Variants in TLE4 observed in about 807,000 individuals in gnomAD.
The protein encoded by TLE4 is TLE family member 4, transcriptional corepressor.
A neutral mutation model predicts 92.8 loss-of-function variants in TLE4; 8 were observed. The ratio of observed to expected loss-of-function variants is 0.09; its 90% CI spans 0.05 to 0.16. TLE4 has a LOEUF of 0.16. TLE4 is among the 10% of genes least tolerant of loss of function. The pLI, the probability that TLE4 is intolerant of heterozygous loss-of-function variation, is 1.00. For synonymous variants in TLE4, 371 were observed against 374.1 expected, an observed-to-expected ratio of 0.99 and a Z score of 0.10; for missense variants, 675 against 997.6, an observed-to-expected ratio of 0.68 and a Z score of 4.36.
rs536556351 is a variant in TLE4, at chr9:79,652,256, G to A, written c.391-337G>A. ...GGCTGGAGTGCAGTGGCACGAACTCGGCTCACTGCAAGCTCCACCTCCCGG... is the reference window on the plus strand; with the variant it reads ...GGCTGGAGTGCAGTGGCACGAACTCAGCTCACTGCAAGCTCCACCTCCCGG... On this transcript the variant is annotated intron_variant, in intron 6 of 19. Coordinates refer to ENST00000376552, the MANE Select transcript of TLE4 (RefSeq NM_007005.6). Among the ~76,000 whole-genome samples the A allele has an allele frequency of 1.0e-3, 158 of 151,716 alleles. 1 individual carries two copies. Among genetic ancestry groups the A allele is most frequent in the Admixed American group, 2.7e-3 (41 of 15,220 alleles).
chr9:79,659,182 A>G (rs2060180380), intron 8 of TLE4, among the ~76,000 whole-genome samples: 1 of 152,252 alleles, frequency 6.6e-6, no homozygotes, highest in African/African-American at 2.4e-5. Context: ...CCCTCAAAGG[A>G]AAGCTCTTTG....
chr9:79,724,166 A>G (rs1327620305), intron 19 of TLE4, among the ~76,000 whole-genome samples: 3 of 147,182 alleles, frequency 2.0e-5, no homozygotes, highest in Non-Finnish European at 4.5e-5. Context: ...ATATTTTTAC[A>G]TTCTTTTTTT....
At chr9:79,696,623 G>A (rs2068327858) in intron 8 of TLE4, among the ~76,000 whole-genome samples, 1 of 151,690 alleles carries the variant, frequency 6.6e-6, no homozygotes, top group African/African-American at 2.4e-5. Context: ...AAAAAGTTTA[G>A]CCTTTCAAAT....
chr9:79,609,619 T>C (rs1401727575), intron 4 of TLE4, among the ~76,000 whole-genome samples: 1 of 152,128 alleles, frequency 6.6e-6, no homozygotes, highest in Non-Finnish European at 1.5e-5. Flanking sequence ...TATGATCTTT[T>C]TGTTACATTT....
At position 79,722,621 on chromosome 9, in the gene TLE4, C is replaced by G; in HGVS notation, c.2137+20C>G. ...ATTGTGGTAAGCAAGCACCTTTTGT[C>G]CATTTTCTGTCAACCAGAATTGCTC... On this transcript the variant is annotated intron_variant, in intron 18 of 19. Coordinates refer to ENST00000376552, the MANE Select transcript of TLE4 (RefSeq NM_007005.6). The G allele has an allele frequency of 6.2e-7, 1 of 1,610,858 alleles. No individual in the cohort carries two copies. Among genetic ancestry groups the G allele is most frequent in the Non-Finnish European group, 8.5e-7 (1 of 1,178,574 alleles).
intron 8 of TLE4, among the ~76,000 whole-genome samples, chr9:79,687,571 A>G (rs2066152540): frequency 6.6e-6 from 1 of 152,224 alleles, no homozygotes; most frequent in Admixed American, 6.5e-5. Context: ...TACATCAAAT[A>G]TATTTGAATC....
chr9:79,604,391 A>T (rs998320509), intron 4 of TLE4, among the ~76,000 whole-genome samples: 3 of 152,314 alleles, frequency 2.0e-5, no homozygotes, highest in African/African-American at 7.2e-5. Context: ...GTGGTATCTC[A>T]GTAAACAGGA....
chr9:79,719,222 C>A (rs1341078094), intron 15 of TLE4, among the ~76,000 whole-genome samples: 1 of 152,032 alleles, frequency 6.6e-6, no homozygotes, highest in East Asian at 1.9e-4. Context: ...AAAGGCAAAC[C>A]GCTTGTTTTC....
chr9:79,642,381 G>C (rs1309898701), intron 6 of TLE4, among the ~76,000 whole-genome samples: 60 of 151,750 alleles, frequency 4.0e-4, no homozygotes, highest in Non-Finnish European at 1.6e-4. Flanking sequence ...TCAGCCTCCC[G>C]AGTAGCTGGG....
chr9:79,667,094 G>T (rs745674612), intron 8 of TLE4, among the ~76,000 whole-genome samples: 1 of 152,130 alleles, frequency 6.6e-6, no homozygotes, highest in African/African-American at 2.4e-5. Flanking sequence ...CTACAGCTGC[G>T]CCCAGATCTA....
intron 8 of TLE4, among the ~76,000 whole-genome samples, chr9:79,690,023 G>A (rs890033694): frequency 3.3e-5 from 5 of 152,036 alleles, no homozygotes; most frequent in African/African-American, 4.8e-5. Flanking sequence ...ACCACTGCCC[G>A]GTCCTTTGAA....
chr9:79,636,751 C>T (rs2055951021), intron 6 of TLE4, among the ~76,000 whole-genome samples: 1 of 152,158 alleles, frequency 6.6e-6, no homozygotes, highest in South Asian at 2.1e-4. Flanking sequence ...GCATCACTTT[C>T]CCTTGACTAG....
Position 79,721,941 on chromosome 9 carries a change from C to A in TLE4, c.1986+53C>A, listed in dbSNP as rs376797632. On this transcript the variant is annotated intron_variant, in intron 17 of 19. Coordinates refer to ENST00000376552, the MANE Select transcript of TLE4 (RefSeq NM_007005.6). ...AGATACGGTTTTAGGCTGAGGTGGG[C>A]GGATCACCAGGTCAGGGAATCGAGA... is the stretch of plus-strand genomic sequence containing the variant. 10 of 1,571,130 alleles carry A rather than the reference C, an allele frequency of 6.4e-6. No individual in the cohort carries two copies. In the South Asian group the frequency reaches 8.2e-5, roughly 13 times the overall value.
At chr9:79,617,458 A>G (rs2049911102) in intron 5 of TLE4, among the ~76,000 whole-genome samples, 1 of 152,222 alleles carries the variant, frequency 6.6e-6, no homozygotes, top group African/African-American at 2.4e-5. Flanking sequence ...CAAACTCTTG[A>G]AAAGCAGTAG....
chr9:79,663,301 C>T (rs2060846959), intron 8 of TLE4: 2 of 152,214 alleles, frequency 1.3e-5, no homozygotes, highest in South Asian at 4.1e-4. Flanking sequence ...TGAGGCTGCC[C>T]TGTCCAATAT....
chr9:79,656,614 GT>G (rs1395746659), intron 8 of TLE4, among the ~76,000 whole-genome samples: 1 of 152,148 alleles, frequency 6.6e-6, no homozygotes, highest in Non-Finnish European at 1.5e-5. Context: ...GTAGTAATTA[GT>G]GTTGCATGTA....
chr9:79,670,057 A>G (rs2062021505), intron 8 of TLE4, among the ~76,000 whole-genome samples: 1 of 152,190 alleles, frequency 6.6e-6, no homozygotes, highest in Non-Finnish European at 1.5e-5. Flanking sequence ...AAATGCATCT[A>G]TGTGATTAAG....
intron 8 of TLE4, among the ~76,000 whole-genome samples, chr9:79,694,984 A>T (rs1490647638): frequency 6.6e-6 from 1 of 152,286 alleles, no homozygotes; most frequent in East Asian, 1.9e-4. Flanking sequence ...CTTAAGTAAG[A>T]TTTGTTTCCC....
chr9:79,626,500 T>G (rs78359729), intron 5 of TLE4, among the ~76,000 whole-genome samples: 3,620 of 152,286 alleles, frequency 0.024, 147 homozygotes, highest in African/African-American at 0.081. Context: ...CTGTAGATAC[T>G]AGAGTGGTCA....
Sources: allele counts gnomAD v4.1 joint callset (sites outside exome capture counted in the v4.1 genomes callset), GRCh38; gene constraint gnomAD v4.1.1; transcripts MANE v1.5; gene names NCBI Gene and HGNC (gene_info 2026-07-23, HGNC 2026-07-21).